Variants in DCLK1 observed in about 807,000 individuals in gnomAD.
DCLK1 encodes doublecortin like kinase 1, also known as serine/threonine-protein kinase DCLK1.
Under a neutral mutation model 86.2 loss-of-function variants are expected in DCLK1, and 16 were observed. The ratio of observed to expected loss-of-function variants is 0.19; its 90% CI spans 0.13 to 0.28. The LOEUF (loss-of-function observed/expected upper bound fraction) is 0.28, where lower values mean the gene tolerates loss of function less well. DCLK1 is among the 10% of genes least tolerant of loss of function. The pLI, the probability that DCLK1 is intolerant of heterozygous loss-of-function variation, is 1.00. For synonymous variants in DCLK1, 369 were observed against 370.5 expected, an observed-to-expected ratio of 1.00 and a Z score of 0.05; for missense variants, 590 against 940.2, an observed-to-expected ratio of 0.63 and a Z score of 4.87.
intron 5 of DCLK1, among the ~76,000 whole-genome samples, chr13:35,857,496 G>T (rs1053323296): frequency 7.9e-5 from 12 of 152,110 alleles, no homozygotes; most frequent in African/African-American, 2.9e-4. Flanking sequence ...CTTGCAAGCA[G>T]CCCACCCTGA....
Position 35,888,437 on chromosome 13 carries a change from A to C in DCLK1, c.824-17097T>G, listed in dbSNP as rs190793470. On this transcript the variant is annotated intron_variant, in intron 4 of 16. Transcript: ENST00000360631. The stretch of plus-strand genomic sequence containing the variant: ...TAGGAGAAAGCAGACTTTGGGTTGA[A>C]AACTTGATTTATTTCCCTTAAACCT... 8.3e-4 allele frequency among the ~76,000 whole-genome samples: 126 copies of C among 152,364 alleles called. 2 individuals are homozygous for C. Among genetic ancestry groups the C allele is most frequent in the Non-Finnish European group, 3.7e-4 (25 of 68,034 alleles).
At chr13:36,000,943 A>G (rs918710591) in intron 3 of DCLK1, among the ~76,000 whole-genome samples, 1 of 143,584 alleles carries the variant, frequency 7.0e-6, no homozygotes, top group African/African-American at 2.6e-5. Context: ...AGTTGTATGC[A>G]TAACTGATTT....
chr13:35,803,299 T>C (rs1176490354), intron 15 of DCLK1, among the ~76,000 whole-genome samples: 1 of 152,180 alleles, frequency 6.6e-6, no homozygotes, highest in African/African-American at 2.4e-5. Flanking sequence ...TTCAGCTTCA[T>C]AGAAAAGGAT....
At chr13:36,107,715 T>C (rs1181827404) in intron 3 of DCLK1, among the ~76,000 whole-genome samples, 2 of 152,272 alleles carry the variant, frequency 1.3e-5, no homozygotes, top group East Asian at 3.9e-4. Flanking sequence ...TAAGGACGGA[T>C]TCAAGAACCA....
chr13:35,994,388 A>C (rs1247105902), intron 3 of DCLK1, among the ~76,000 whole-genome samples: 1 of 152,208 alleles, frequency 6.6e-6, no homozygotes, highest in Non-Finnish European at 1.5e-5. Context: ...ATAGTCAATC[A>C]CATTACAGCC....
At chr13:35,958,141 CCACCACCACCACTATAACCAT>C (rs1878179390) in intron 3 of DCLK1, among the ~76,000 whole-genome samples, 6 of 19,426 alleles carry the variant, frequency 3.1e-4, no homozygotes, top group Non-Finnish European at 1.5e-4. Context: ...ACTATAACCA[CCACCACCACCACTATAACCAT>C]CACCACCATC....
chr13:35,826,800 A>C (rs1868506862), intron 10 of DCLK1, among the ~76,000 whole-genome samples: 1 of 152,052 alleles, frequency 6.6e-6, no homozygotes, highest in African/African-American at 2.4e-5. Flanking sequence ...GATTCCAAAC[A>C]TGCCCTGGGA....
At chr13:36,125,617 G>T in intron 2 of DCLK1, 145 bp downstream of exon 2, 1 of 1,217,166 alleles carries the variant, frequency 8.2e-7, no homozygotes, top group Non-Finnish European at 1.1e-6. Flanking sequence ...CTACACAATA[G>T]CACATTCGTA....
At chr13:35,968,790 A>G (rs1395068181) in intron 3 of DCLK1, among the ~76,000 whole-genome samples, 1 of 152,178 alleles carries the variant, frequency 6.6e-6, no homozygotes, top group African/African-American at 2.4e-5. Context: ...AAAGAACAAA[A>G]CAAGAAGAAA....
chr13:35,958,762 G>A (rs528246581), intron 3 of DCLK1, among the ~76,000 whole-genome samples: 1 of 152,076 alleles, frequency 6.6e-6, no homozygotes, highest in Non-Finnish European at 1.5e-5. Context: ...ATTATTTTAG[G>A]AATAAATTTA....
chr13:36,072,519 C>A (rs886795749), intron 3 of DCLK1, among the ~76,000 whole-genome samples: 1 of 152,220 alleles, frequency 6.6e-6, no homozygotes, highest in African/African-American at 2.4e-5. Context: ...GGCCAGACTT[C>A]TTTCCTGAAT....
At chr13:35,793,311 T>C in intron 16 of DCLK1, 55 bp downstream of exon 16, 1 of 1,393,982 alleles carries the variant, frequency 7.2e-7, no homozygotes, top group Non-Finnish European at 1.0e-6. Context: ...GTAATGCCTG[T>C]CTCTTAGGTG....
chr13:35,987,149 C>T (rs540477174), intron 3 of DCLK1, among the ~76,000 whole-genome samples: 213 of 152,158 alleles, frequency 1.4e-3, no homozygotes, highest in Middle Eastern at 6.8e-3. Context: ...CGGCTGGGAG[C>T]GGTGGCTCAC....
chr13:35,859,430 C>T (rs527612951), intron 5 of DCLK1, among the ~76,000 whole-genome samples: 36 of 152,308 alleles, frequency 2.4e-4, no homozygotes, highest in African/African-American at 8.4e-4. Flanking sequence ...TTCACTGATA[C>T]CATGATGACC....
chr13:35,967,273 C>A (rs1878816915), intron 3 of DCLK1, among the ~76,000 whole-genome samples: 1 of 151,378 alleles, frequency 6.6e-6, no homozygotes, highest in Non-Finnish European at 1.5e-5. Context: ...CCCGGCCGCC[C>A]CGTCTGGGAA....
intron 4 of DCLK1, among the ~76,000 whole-genome samples, chr13:35,890,460 A>G (rs533924631): frequency 6.6e-6 from 1 of 152,302 alleles, no homozygotes; most frequent in African/African-American, 2.4e-5. Flanking sequence ...CATTAAATGG[A>G]TATATAGTAA....
At chr13:36,045,294 C>T (rs1252966645) in intron 3 of DCLK1, among the ~76,000 whole-genome samples, 4 of 102,314 alleles carry the variant, frequency 3.9e-5, no homozygotes, top group Admixed American at 1.1e-4. Context: ...ATATAATAAT[C>T]GTCTAATATA....
chr13:35,887,878 CAAAAAAAAAAAAA>C (rs760195385), intron 4 of DCLK1, among the ~76,000 whole-genome samples: 336 of 38,762 alleles, frequency 8.7e-3, no homozygotes, highest in African/African-American at 0.025. Flanking sequence ...GATCTTGTCT[CAAAAAAAAAAAAA>C]AAAAAAAAAA....
At chr13:36,093,601 A>G (rs1052963049) in intron 3 of DCLK1, among the ~76,000 whole-genome samples, 5 of 152,200 alleles carry the variant, frequency 3.3e-5, no homozygotes, top group African/African-American at 7.2e-5. Flanking sequence ...CGATATTCCC[A>G]AAGTCATTGC....
Sources: gnomAD v4.1 joint callset for allele counts (sites outside exome capture counted in the v4.1 genomes callset) on GRCh38, gnomAD v4.1.1 for gene constraint, MANE v1.5 for transcripts, NCBI Gene and HGNC (gene_info 2026-07-23, HGNC 2026-07-21) for gene names.